Variants in EHD4 observed in about 807,000 individuals in gnomAD.
EHD4 encodes EH domain-containing protein 4.
EHD4 carries 37 observed loss-of-function variants against 51.0 expected under a neutral mutation model. The observed-to-expected ratio is 0.73, with a 90% CI of 0.56 to 0.95. The LOEUF is 0.95. EHD4 is among the 40% of genes least tolerant of loss of function. EHD4 has a pLI of 0.00. For synonymous variants in EHD4, 297 were observed against 317.3 expected (o/e 0.94, Z 0.68); for missense variants, 632 against 733.1 (o/e 0.86, Z 1.59).
intron 1 of EHD4, among the ~76,000 whole-genome samples, chr15:41,958,041 G>C (rs538675970): frequency 2.3e-4 from 35 of 152,080 alleles, no homozygotes; most frequent in South Asian, 8.3e-4. Flanking sequence ...CTCACGGTGG[G>C]AGTGCCTCAG....
At chr15:41,944,538 C>T (rs930968927) in intron 2 of EHD4, among the ~76,000 whole-genome samples, 2 of 152,178 alleles carry the variant, frequency 1.3e-5, no homozygotes, top group African/African-American at 4.8e-5. Flanking sequence ...GACACCACAG[C>T]CCTGGGTATG....
At chr15:41,967,924 G>A (rs2067970906) in intron 1 of EHD4, among the ~76,000 whole-genome samples, 1 of 152,228 alleles carries the variant, frequency 6.6e-6, no homozygotes, top group South Asian at 2.1e-4. Flanking sequence ...AACCTCGCCT[G>A]TGGCAGGCCC....
intron 2 of EHD4, among the ~76,000 whole-genome samples, chr15:41,947,621 T>C (rs893059653): frequency 1.3e-5 from 2 of 152,202 alleles, no homozygotes; most frequent in Non-Finnish European, 2.9e-5. Flanking sequence ...CTTTGACAAC[T>C]GAACTGTAAT....
chr15:41,924,331 T>A (rs944871009), intron 3 of EHD4, among the ~76,000 whole-genome samples: 2 of 152,236 alleles, frequency 1.3e-5, no homozygotes, highest in African/African-American at 4.8e-5. Flanking sequence ...GCCTGGGACC[T>A]TCCTGGCTCC....
At chr15:41,914,358 G>T (rs377754215) in intron 4 of EHD4, among the ~76,000 whole-genome samples, 34 of 152,174 alleles carry the variant, frequency 2.2e-4, no homozygotes, top group African/African-American at 8.2e-4. Flanking sequence ...TTATAAAGTG[G>T]GTTTATGATA....
At chr15:41,927,194 A>T (rs1226937079) in intron 3 of EHD4, among the ~76,000 whole-genome samples, 1 of 152,222 alleles carries the variant, frequency 6.6e-6, no homozygotes, top group Non-Finnish European at 1.5e-5. Context: ...TCACCACTAT[A>T]CACCCAGGAA....
At chr15:41,918,784 C>G (rs2067602523) in intron 4 of EHD4, among the ~76,000 whole-genome samples, 1 of 152,264 alleles carries the variant, frequency 6.6e-6, no homozygotes, top group African/African-American at 2.4e-5. Flanking sequence ...TAGCAGTGGC[C>G]TCTCAGCATC....
At position 41,901,134 on chromosome 15, in the gene EHD4, G is replaced by C; in HGVS notation, c.1137C>G (p.Pro379=). The change falls in exon 6 of 6, where the codon CCC becomes CCG. Residue 379 remains proline (P), a synonymous_variant. Transcript: ENST00000220325. ...TGTTGTCCACTGCCTCGATCAGCTTGGGCTTCAGCGAGTGGAATTTGGTGA... is the reference window on the plus strand; with the variant it reads ...TGTTGTCCACTGCCTCGATCAGCTTCGGCTTCAGCGAGTGGAATTTGGTGA... ...YDFTKFHSLK[P]KLIEAVDNML... is the part of the protein sequence containing the mutation. 6.3e-7 allele frequency: 1 copy of C among 1,577,114 alleles called. No homozygotes were observed. Among genetic ancestry groups the C allele is most frequent in the Non-Finnish European group, 8.6e-7 (1 of 1,165,310 alleles).
In EHD4 at chr15:41,900,721, C is replaced by T. The variant is rs1468571194; in HGVS notation, c.1550G>A (p.Gly517Asp). ...GGGCAGGCTGCTGGGCAGCTCGTAG[C>T]CGTCGAGCTTGATCTTGATGAGGTG... Reference protein sequence around the residue: ...AKHLIKIKLDGYELPSSLPPH... With the variant: ...AKHLIKIKLDDYELPSSLPPH... The change falls in exon 6 of 6, where the codon GGC becomes GAC. Residue 517 changes from glycine (G) to aspartate (D), a missense_variant. Gly to Asp is a moderately conservative substitution (Grantham distance 94). Coordinates refer to ENST00000220325, the MANE Select transcript of EHD4 (RefSeq NM_139265.4). The surrounding 1 kb of genome is among the most constrained non-coding windows in gnomAD (Gnocchi z 4.8). The T allele has an allele frequency of 3.7e-6, 6 of 1,611,486 alleles. No homozygotes were observed. The highest frequency in any genetic ancestry group is 5.1e-6 in the Non-Finnish European group (6 of 1,179,918).
chr15:41,962,426 C>T (rs1053663764), intron 1 of EHD4, among the ~76,000 whole-genome samples: 3 of 151,396 alleles, frequency 2.0e-5, no homozygotes, highest in Admixed American at 6.6e-5. Flanking sequence ...CAGAATAACA[C>T]GAGACAAAGG....
At chr15:41,901,523 C>T (rs935092742) in intron 5 of EHD4, among the ~76,000 whole-genome samples, 61 of 152,262 alleles carry the variant, frequency 4.0e-4, no homozygotes, top group African/African-American at 1.3e-3. Context: ...ACACTTCAGC[C>T]GATCTTCATA....
At chr15:41,948,979 C>T (rs1043219987) in intron 2 of EHD4, among the ~76,000 whole-genome samples, 36 of 146,000 alleles carry the variant, frequency 2.5e-4, no homozygotes, top group African/African-American at 8.8e-4. Context: ...GAGCTGTGAT[C>T]GTGCCTCCGC....
rs74851824 is a variant in EHD4 at position 41,900,783 on chromosome 15, G to A, written c.1488C>T (p.Asp496=). 583 of 1,614,166 alleles carry A rather than the reference G, an allele frequency of 3.6e-4. 2 individuals carry two copies. The East Asian group carries it at 0.012, about 32-fold the overall frequency. Residue 496 remains aspartate, a synonymous_variant, in exon 6 of 6, where the codon GAC becomes GAT. Coordinates refer to ENST00000220325, the MANE Select transcript of EHD4 (RefSeq NM_139265.4). This position sits in a 1 kb window ranked among gnomAD's most constrained non-coding sequence, Gnocchi z 4.8. ...CGAACTCCTCCTCATCAAGCATGCC[G>A]TCGCAGTCGCAGTCGGCCAGCTTCC... ...KIWKLADCDC[D]GMLDEEEFAL...
intron 1 of EHD4, among the ~76,000 whole-genome samples, chr15:41,954,606 C>A (rs749516776): frequency 2.0e-5 from 3 of 152,138 alleles, no homozygotes; most frequent in South Asian, 2.1e-4. Flanking sequence ...ACCATTTAGA[C>A]CTATGTTTTC....
chr15:41,972,483 C>T lies in EHD4; in HGVS notation c.12G>A (p.Trp4Ter). The T allele has an allele frequency of 6.5e-7, 1 of 1,531,498 alleles. No individual in the cohort carries two copies. Among genetic ancestry groups the T allele is most frequent in the Non-Finnish European group, 8.8e-7 (1 of 1,142,392 alleles). The allele number at this position is 1,531,498 out of a possible 1,614,324, so 94.9% of individuals were successfully genotyped here. Residue 4 changes from tryptophan to a stop codon, truncating the protein, a stop_gained, in exon 1 of 6, where the codon TGG becomes TGA. Coordinates refer to ENST00000220325, the MANE Select transcript of EHD4 (RefSeq NM_139265.4). LOFTEE classifies it high-confidence loss of function. ...CGCGCCCGCCCGCCTGCCGCCCCAT[C>T]CAGCTGAACATCCTGCCGCCAGTCC... is the stretch of plus-strand genomic sequence containing the variant. The part of the protein sequence containing the change: MFS[W>*]MGRQAGGRER...
chr15:41,923,263 C>T (rs1263780200), intron 3 of EHD4, among the ~76,000 whole-genome samples: 3 of 152,180 alleles, frequency 2.0e-5, no homozygotes, highest in Non-Finnish European at 1.5e-5. Flanking sequence ...GCTTCTTTCA[C>T]TCAGCACAAC....
chr15:41,930,874 A>G (rs1190288907), intron 3 of EHD4, among the ~76,000 whole-genome samples: 2 of 152,250 alleles, frequency 1.3e-5, no homozygotes, highest in Admixed American at 1.3e-4. Context: ...CCATGTAGTT[A>G]CCAACAGTAT....
At chr15:41,940,084 G>C (rs935050603) in intron 3 of EHD4, among the ~76,000 whole-genome samples, 1 of 152,152 alleles carries the variant, frequency 6.6e-6, no homozygotes, top group African/African-American at 2.4e-5. Context: ...CTCCCAAAGG[G>C]CTGGGATTAT....
At chr15:41,901,851 C>T (rs922441755) in intron 5 of EHD4, among the ~76,000 whole-genome samples, 1 of 152,194 alleles carries the variant, frequency 6.6e-6, no homozygotes, top group African/African-American at 2.4e-5. Context: ...TGACCAGGGG[C>T]ACCTGTGCTA....
Sources: allele counts gnomAD v4.1 joint callset (sites outside exome capture counted in the v4.1 genomes callset), GRCh38; gene constraint gnomAD v4.1.1; non-coding constraint Gnocchi (gnomAD v3.1); transcripts MANE v1.5; gene names NCBI Gene and HGNC (gene_info 2026-07-23, HGNC 2026-07-21).